The following PLD5 variants were observed in gnomAD, a reference collection of about 807,000 sequenced individuals.
PLD5 encodes phospholipase D family member 5, also known as inactive phospholipase D5.
In PLD5, 36 loss-of-function variants were observed where a neutral mutation model predicts 61.1. That is an observed-to-expected ratio of 0.59 (90% confidence interval 0.45 to 0.78). The LOEUF (loss-of-function observed/expected upper bound fraction) is 0.78, where lower values mean the gene tolerates loss of function less well. Ranked by LOEUF, PLD5 falls within the 30% of genes least tolerant of loss-of-function variation. The pLI, the probability that PLD5 is intolerant of heterozygous loss-of-function variation, is 0.00. For synonymous variants in PLD5, 243 were observed against 242.8 expected (o/e 1.00, Z -0.01); for missense variants, 515 against 644.4 (o/e 0.80, Z 2.17).
chr1:242,260,239 T>G (rs574051542), intron 4 of PLD5, among the ~76,000 whole-genome samples: 1,836 of 151,354 alleles, frequency 0.012, 48 homozygotes, highest in African/African-American at 0.042. Flanking sequence ...CCCAGCTACT[T>G]GGGAGGCTGA....
At chr1:242,391,511 A>G (rs1224563401) in intron 1 of PLD5, among the ~76,000 whole-genome samples, 2 of 152,130 alleles carry the variant, frequency 1.3e-5, no homozygotes, top group African/African-American at 4.8e-5. Flanking sequence ...TTATAGGAGG[A>G]GAGGGAGACA....
intron 5 of PLD5, among the ~76,000 whole-genome samples, chr1:242,155,317 T>C (rs1476663668): frequency 1.3e-5 from 2 of 152,214 alleles, no homozygotes; most frequent in African/African-American, 4.8e-5. Context: ...ATTCATTGAT[T>C]TATTTGAAGA....
chr1:242,327,325 A>AT (rs1485589769), intron 2 of PLD5, among the ~76,000 whole-genome samples: 2 of 152,108 alleles, frequency 1.3e-5, no homozygotes, highest in Non-Finnish European at 2.9e-5. Flanking sequence ...ATATGAGTTT[A>AT]TTTTTTAAAT....
chr1:242,365,191 G>A (rs1191484476), intron 1 of PLD5: 1 of 152,222 alleles, frequency 6.6e-6, no homozygotes, highest in Non-Finnish European at 1.5e-5. Context: ...GAGGAGCCAT[G>A]AGCAGTAAAG....
chr1:242,518,570 C>G (rs555691820), intron 1 of PLD5, among the ~76,000 whole-genome samples: 1 of 152,154 alleles, frequency 6.6e-6, no homozygotes, highest in Non-Finnish European at 1.5e-5. Flanking sequence ...TGGAGAAGAA[C>G]TAAGAACTAA....
intron 5 of PLD5, among the ~76,000 whole-genome samples, chr1:242,130,716 G>A (rs12745349): frequency 0.072 from 10,880 of 152,162 alleles, 471 homozygotes; most frequent in South Asian, 0.16. Context: ...CCGACCACAC[G>A]CCACAGAGCA....
intron 1 of PLD5, among the ~76,000 whole-genome samples, chr1:242,423,255 T>G: frequency 6.6e-6 from 1 of 152,062 alleles, no homozygotes; most frequent in Non-Finnish European, 1.5e-5. Flanking sequence ...GGAATGGCTA[T>G]GCACAGCAGA....
chr1:242,516,275 T>TATAC (rs1473637770), intron 1 of PLD5, among the ~76,000 whole-genome samples: 1 of 66,612 alleles, frequency 1.5e-5, no homozygotes, highest in Non-Finnish European at 3.4e-5. Flanking sequence ...TATATATATA[T>TATAC]ATATACATAT....
In PLD5 at chr1:242,487,543, T is replaced by G. The variant is rs1467279481; in HGVS notation, c.189+36545A>C. ...TCCACAAAAGAAGTAATTGATAACT[T>G]AGACTTTACTAAAGTTAAACATCTC... On this transcript the variant is annotated intron_variant, in intron 1 of 9. Coordinates refer to ENST00000536534, the MANE Select transcript of PLD5 (RefSeq NM_001372062.1). Among the ~76,000 whole-genome samples, 3 of 152,160 alleles carry G rather than the reference T, an allele frequency of 2.0e-5. No homozygotes were observed. The East Asian group carries it at 5.8e-4, about 29-fold the overall frequency.
At chr1:242,487,050 G>A (rs112705667) in intron 1 of PLD5, among the ~76,000 whole-genome samples, 131 of 151,814 alleles carry the variant, frequency 8.6e-4, no homozygotes, top group African/African-American at 2.0e-3. Context: ...ATCACACCCC[G>A]GGGTCTGTTG....
chr1:242,509,533 C>T (rs1017310146), intron 1 of PLD5, among the ~76,000 whole-genome samples: 1 of 152,172 alleles, frequency 6.6e-6, no homozygotes, highest in Non-Finnish European at 1.5e-5. Context: ...TTTCTTCCTC[C>T]TTTACACTTA....
At chr1:242,119,800 C>T (rs958164664) in intron 6 of PLD5, among the ~76,000 whole-genome samples, 1 of 152,172 alleles carries the variant, frequency 6.6e-6, no homozygotes, top group African/African-American at 2.4e-5. Flanking sequence ...AGAGTTACCA[C>T]ATTATCCAGT....
chr1:242,166,425 C>G (rs577221486), intron 5 of PLD5, among the ~76,000 whole-genome samples: 1 of 152,154 alleles, frequency 6.6e-6, no homozygotes, highest in Non-Finnish European at 1.5e-5. Flanking sequence ...TAGCTGGGCC[C>G]TCTCAAAACA....
chr1:242,494,200 C>T (rs186017955), intron 1 of PLD5, among the ~76,000 whole-genome samples: 5 of 151,150 alleles, frequency 3.3e-5, no homozygotes, highest in East Asian at 2.0e-4. Context: ...AATTCTAACT[C>T]GGGCCAAATG....
At chr1:242,394,174 GTATATATGAGTA>G (rs1446223474) in intron 1 of PLD5, among the ~76,000 whole-genome samples, 1 of 75,510 alleles carries the variant, frequency 1.3e-5, no homozygotes, top group African/African-American at 6.4e-5. Context: ...ATATATATGT[GTATATATGAGTA>G]TATATGAGTA....
At chr1:242,399,461 C>T (rs574498308) in intron 1 of PLD5, among the ~76,000 whole-genome samples, 1 of 152,034 alleles carries the variant, frequency 6.6e-6, no homozygotes, top group Admixed American at 6.6e-5. Flanking sequence ...AAGAAAATGC[C>T]GGATATGTAA....
chr1:242,107,960 G>A (rs1558227960), intron 7 of PLD5, 121 bp from the exon 8 acceptor site: 1 of 946,338 alleles, frequency 1.1e-6, no homozygotes, highest in East Asian at 2.8e-5. Flanking sequence ...ATATATATAA[G>A]CAACCTCATC....
At chr1:242,529,778 T>TCTTCCTCCCTTCCTTCCTTC in the PLD5 span, among the ~76,000 whole-genome samples, 580 of 129,872 alleles carry the variant, frequency 4.5e-3, 6 homozygotes, top group African/African-American at 0.016. Context: ...GGCACTGGGA[T>TCTTCCTCCCTTCCTTCCTTC]CTTCCTTCCT....
At chr1:242,284,652 G>T (rs967947893) in intron 3 of PLD5, among the ~76,000 whole-genome samples, 24 of 152,240 alleles carry the variant, frequency 1.6e-4, no homozygotes, top group Non-Finnish European at 1.6e-4. Context: ...GAGACCAAAG[G>T]CTTGAGATTC....
Sources: allele counts gnomAD v4.1 joint callset (sites outside exome capture counted in the v4.1 genomes callset), GRCh38; gene constraint gnomAD v4.1.1; transcripts MANE v1.5; gene names NCBI Gene and HGNC (gene_info 2026-07-23, HGNC 2026-07-21).